The following RARB variants were observed in gnomAD, a reference collection of about 807,000 sequenced individuals.
RARB encodes the protein retinoic acid receptor beta, also known as HBV-activated protein.
A neutral mutation model predicts 51.9 loss-of-function variants in RARB; 17 were observed. The observed-to-expected ratio is 0.33, with a 90% CI of 0.22 to 0.49. RARB has a LOEUF of 0.49. Among genes scored for constraint, RARB ranks in the 20% least tolerant of loss-of-function variants. The pLI is 0.99. For missense variants in RARB, 369 were observed against 550.8 expected, an observed-to-expected ratio of 0.67 and a Z score of 3.30; for synonymous variants, 215 against 195.4, an observed-to-expected ratio of 1.10 and a Z score of -0.84.
intron 5 of RARB, among the ~76,000 whole-genome samples, chr3:25,311,582 G>A (rs1387090534): frequency 1.3e-5 from 2 of 152,206 alleles, no homozygotes; most frequent in African/African-American, 4.8e-5. Context: ...GTGGCAGATA[G>A]TGCCAGGTCA....
At chr3:25,003,857 G>A (rs944897736) in intron 2 of RARB, among the ~76,000 whole-genome samples, 13 of 152,050 alleles carry the variant, frequency 8.5e-5, no homozygotes, top group Non-Finnish European at 1.6e-4. Context: ...TTATTACTGG[G>A]GCCCTATAAT....
intron 4 of RARB, among the ~76,000 whole-genome samples, chr3:25,155,709 A>G (rs904904974): frequency 3.9e-5 from 6 of 152,142 alleles, no homozygotes; most frequent in Admixed American, 3.9e-4. Context: ...CACCCAAAAC[A>G]GCAATAGGAC....
chr3:24,970,174 C>T (rs1325242098), intron 2 of RARB, among the ~76,000 whole-genome samples: 1 of 152,060 alleles, frequency 6.6e-6, no homozygotes, highest in Non-Finnish European at 1.5e-5. Context: ...ATCAAAGCAA[C>T]AGTGAGCCAG....
At chr3:25,308,340 T>C in intron 5 of RARB, among the ~76,000 whole-genome samples, 1 of 152,238 alleles carries the variant, frequency 6.6e-6, no homozygotes, top group East Asian at 1.9e-4. Context: ...CTTGGTCATA[T>C]TCCTATGCTT....
At chr3:25,023,615 CTAT>C (rs1011435695) in intron 2 of RARB, among the ~76,000 whole-genome samples, 3 of 152,046 alleles carry the variant, frequency 2.0e-5, no homozygotes, top group African/African-American at 4.8e-5. Context: ...CTCTGGGTCA[CTAT>C]TATTAGGGAC....
chr3:25,292,488 G>A (rs769078307), intron 5 of RARB, among the ~76,000 whole-genome samples: 5 of 152,084 alleles, frequency 3.3e-5, no homozygotes, highest in Non-Finnish European at 5.9e-5. Flanking sequence ...GAAGAGATGG[G>A]GAAAAGCCTA....
intron 1 of RARB, among the ~76,000 whole-genome samples, chr3:24,837,775 AG>A (rs1702363028): frequency 6.6e-6 from 1 of 152,236 alleles, no homozygotes; most frequent in Non-Finnish European, 1.5e-5. Flanking sequence ...CACACCAAAA[AG>A]GAAACAGTGA....
At chr3:25,358,622 T>C (rs948424327) in intron 5 of RARB, among the ~76,000 whole-genome samples, 5 of 152,136 alleles carry the variant, frequency 3.3e-5, no homozygotes, top group African/African-American at 1.2e-4. Context: ...GCGTTCTCAT[T>C]AATAGCTCTT....
chr3:24,843,823 A>G (rs1366468404), intron 1 of RARB, among the ~76,000 whole-genome samples: 2 of 151,872 alleles, frequency 1.3e-5, no homozygotes, highest in African/African-American at 2.4e-5. Context: ...CATTTCTCCT[A>G]TGACAAAGTC....
At chr3:25,403,123 A>C (rs1444108787) in intron 5 of RARB, among the ~76,000 whole-genome samples, 1 of 149,838 alleles carries the variant, frequency 6.7e-6, no homozygotes, top group Non-Finnish European at 1.5e-5. Context: ...AGATCGTGCC[A>C]CTGCACTCCA....
chr3:25,036,706 T>A (rs754464693), intron 2 of RARB, among the ~76,000 whole-genome samples: 2 of 152,142 alleles, frequency 1.3e-5, no homozygotes, highest in Non-Finnish European at 2.9e-5. Flanking sequence ...TATCTTTGTT[T>A]GTAGGGCTGC....
chr3:25,104,142 A>T (rs1291166125), intron 3 of RARB, among the ~76,000 whole-genome samples: 5 of 152,224 alleles, frequency 3.3e-5, no homozygotes, highest in African/African-American at 1.2e-4. Flanking sequence ...ATCATCAGTC[A>T]GCACGGAAAT....
intron 2 of RARB, among the ~76,000 whole-genome samples, chr3:25,026,218 T>C (rs1356289439): frequency 3.3e-5 from 5 of 152,204 alleles, no homozygotes; most frequent in African/African-American, 1.2e-4. Flanking sequence ...AGTTGACCCA[T>C]GTGTAAGGAG....
chr3:25,270,665 A>G (rs555732657), intron 5 of RARB, among the ~76,000 whole-genome samples: 1 of 152,324 alleles, frequency 6.6e-6, no homozygotes, highest in African/African-American at 2.4e-5. Context: ...TACCTGGGTA[A>G]TATTATTTGT....
rs144296047 is a variant in RARB at position 25,209,595 on chromosome 3, G to T, written c.178+35020G>T. 1.7e-3 allele frequency among the ~76,000 whole-genome samples: 255 copies of T among 152,216 alleles called. 1 individual carries two copies. The highest frequency in any genetic ancestry group is 5.6e-3 in the African/African-American group (232 of 41,538). On this transcript the variant is annotated intron_variant, in intron 5 of 11. Coordinates refer to the RARB transcript ENST00000383772. ...ATACGTGGCTTGGAGAATATATTTC[G>T]GCTCTTTCACCCTTCTTAGCTGGAC...
At chr3:24,833,894 CA>C (rs1702311419) in intron 1 of RARB, among the ~76,000 whole-genome samples, 1 of 152,204 alleles carries the variant, frequency 6.6e-6, no homozygotes, top group African/African-American at 2.4e-5. Context: ...GCTCATATCT[CA>C]CCTTTGTTCA....
intron 3 of RARB, among the ~76,000 whole-genome samples, chr3:25,090,601 C>A (rs112439656): frequency 6.6e-6 from 1 of 152,122 alleles, no homozygotes; most frequent in East Asian, 1.9e-4. Context: ...CCTTGGGGAA[C>A]GAAATTTTTC....
intron 5 of RARB, among the ~76,000 whole-genome samples, chr3:25,302,600 A>G (rs1232549323): frequency 6.6e-6 from 1 of 152,216 alleles, no homozygotes; most frequent in Non-Finnish European, 1.5e-5. Flanking sequence ...GGGGCTGGGG[A>G]CAAGCGACAA....
intron 2 of RARB, among the ~76,000 whole-genome samples, chr3:24,917,071 T>A (rs931378856): frequency 3.9e-5 from 6 of 151,944 alleles, no homozygotes; most frequent in African/African-American, 1.4e-4. Context: ...GGGTGTTCAC[T>A]GTAAAACTTT....
Sources: gnomAD v4.1 joint callset for allele counts (sites outside exome capture counted in the v4.1 genomes callset) on GRCh38, gnomAD v4.1.1 for gene constraint, MANE v1.5 for transcripts, NCBI Gene and HGNC (gene_info 2026-07-23, HGNC 2026-07-21) for gene names.